The following ZNF362 variants were observed in gnomAD, a reference collection of about 807,000 sequenced individuals.
The protein encoded by ZNF362 is rotund homolog.
In ZNF362, 11 loss-of-function variants were observed where a neutral mutation model predicts 42.9. That is an observed-to-expected ratio of 0.26 (90% CI 0.16 to 0.42). The LOEUF is 0.42. ZNF362 is among the 20% of genes least tolerant of loss of function. The probability of loss-of-function intolerance (pLI) is 1.00; values close to 1 mark genes in which losing one functional copy is unlikely to be tolerated. For synonymous variants in ZNF362, 255 were observed against 257.3 expected (o/e 0.99, Z 0.09); for missense variants, 362 against 576.2 (o/e 0.63, Z 3.81).
At chr1:33,130,359 G>A in the ZNF362 span, among the ~76,000 whole-genome samples, 1 of 152,136 alleles carries the variant, frequency 6.6e-6, no homozygotes, top group Non-Finnish European at 1.5e-5. Context: ...TCTGAGATTC[G>A]ATTACAAAAA....
At chr1:33,288,388 T>TG (rs1334968532) in intron 6 of ZNF362, among the ~76,000 whole-genome samples, 1 of 151,892 alleles carries the variant, frequency 6.6e-6, no homozygotes, top group African/African-American at 2.4e-5. Flanking sequence ...GGGGGTGAAG[T>TG]GGGGTAGTCC....
the ZNF362 span, among the ~76,000 whole-genome samples, chr1:33,240,959 A>G: frequency 6.6e-6 from 1 of 152,198 alleles, no homozygotes; most frequent in Middle Eastern, 3.2e-3. Flanking sequence ...ACGCAAAATG[A>G]TTGCACCACA....
rs1418044495 is a variant in ZNF362 at position 33,280,322 on chromosome 1, G to A, written c.548G>A (p.Gly183Asp). The change falls in exon 5 of 9, where the codon GGC (glycine) becomes GAC (aspartate). Residue 183 changes from glycine (G) to aspartate (D), a missense_variant. Physicochemically the swap from Gly to Asp is moderately conservative, Grantham distance 94. Coordinates refer to ENST00000539719, the MANE Select transcript of ZNF362 (RefSeq NM_152493.3). The surrounding 1 kb of genome is among the most constrained non-coding windows in gnomAD (Gnocchi z 5.6). Reference protein sequence around the residue: ...LDSIKTIQGHGLLGPPKSERG... With the variant: ...LDSIKTIQGHDLLGPPKSERG... ...TCCATCAAGACAATCCAGGGCCACG[G>A]CCTGCTTGGCCCCCCCAAGTCCGAA... The A allele has an allele frequency of 6.2e-7, 1 of 1,613,914 alleles. No individual in the cohort carries two copies. The highest frequency in any genetic ancestry group is 8.5e-7 in the Non-Finnish European group (1 of 1,179,934).
upstream of ZNF362, among the ~76,000 whole-genome samples, chr1:33,255,717 G>A (rs1484998908): frequency 2.6e-5 from 4 of 152,192 alleles, no homozygotes; most frequent in East Asian, 7.7e-4. Flanking sequence ...CCTAGGGCTA[G>A]GGAGGGGTGG....
chr1:33,158,583 C>T, the ZNF362 span, among the ~76,000 whole-genome samples: 4 of 152,242 alleles, frequency 2.6e-5, no homozygotes, highest in Admixed American at 2.6e-4. Context: ...ATGCTAGCAT[C>T]AGCCTTCTAG....
rs1168464257 is a variant in ZNF362 at position 33,294,521 on chromosome 1, C to G, written c.909-416C>G. On this transcript the variant is annotated intron_variant, in intron 6 of 8. Transcript: ENST00000539719. This position sits in a 1 kb window ranked among gnomAD's most constrained non-coding sequence, Gnocchi z 4.2. The stretch of plus-strand genomic sequence containing the variant: ...TGGGGCCAATTAGAGGGAGATGTCT[C>G]CTTCTTCTTAGGGAAGGAGGCTGGG... Among the ~76,000 whole-genome samples, 1 of 152,138 alleles carries G rather than the reference C, an allele frequency of 6.6e-6. No individual in the cohort carries two copies. Among genetic ancestry groups the G allele is most frequent in the Non-Finnish European group, 1.5e-5 (1 of 68,020 alleles).
intron 6 of ZNF362, among the ~76,000 whole-genome samples, chr1:33,291,881 T>C (rs1185239072): frequency 1.3e-5 from 2 of 152,186 alleles, no homozygotes. Context: ...CTGTTATTGG[T>C]GTATAAGAAT....
chr1:33,215,704 T>C, the ZNF362 span, among the ~76,000 whole-genome samples: 8,404 of 152,228 alleles, frequency 0.055, 447 homozygotes, highest in African/African-American at 0.13. Context: ...TGTACCCTGG[T>C]AGTGTTGCAA....
chr1:33,277,530 A>T (rs1180873302), intron 4 of ZNF362, among the ~76,000 whole-genome samples: 2 of 152,188 alleles, frequency 1.3e-5, no homozygotes, highest in African/African-American at 4.8e-5. Flanking sequence ...GGGTTGAGAA[A>T]ACCGAGTCTG....
At chr1:33,224,983 A>G in the ZNF362 span, among the ~76,000 whole-genome samples, 1 of 152,248 alleles carries the variant, frequency 6.6e-6, no homozygotes, top group African/African-American at 2.4e-5. Flanking sequence ...CACAAGAGCC[A>G]GAAGACAACA....
chr1:33,212,172 C>T, the ZNF362 span, among the ~76,000 whole-genome samples: 3 of 152,176 alleles, frequency 2.0e-5, no homozygotes, highest in African/African-American at 7.2e-5. Context: ...TAAGACATGC[C>T]TGCTTCCCCT....
At chr1:33,238,572 A>G in the ZNF362 span, among the ~76,000 whole-genome samples, 1 of 151,968 alleles carries the variant, frequency 6.6e-6, no homozygotes, top group Non-Finnish European at 1.5e-5. Context: ...TGCAGCTAGA[A>G]AGGAAGGGTC....
intron 6 of ZNF362, among the ~76,000 whole-genome samples, chr1:33,285,767 A>G (rs1163872352): frequency 6.6e-6 from 1 of 152,344 alleles, no homozygotes; most frequent in East Asian, 1.9e-4. Context: ...AATTAAAACC[A>G]TGGAGAATAC....
the ZNF362 span, among the ~76,000 whole-genome samples, chr1:33,221,279 A>T: frequency 1.3e-5 from 2 of 152,192 alleles, no homozygotes; most frequent in Non-Finnish European, 2.9e-5. Flanking sequence ...ACCTGTCCTG[A>T]CTGTGGGTGG....
the ZNF362 span, among the ~76,000 whole-genome samples, chr1:33,202,594 TAA>T: frequency 2.2e-5 from 3 of 137,400 alleles, no homozygotes; most frequent in Non-Finnish European, 1.6e-5. Flanking sequence ...CGAGACTCCA[TAA>T]AAAAAAAAAA....
intron 1 of ZNF362, 31 bp from the exon 2 acceptor site, chr1:33,270,456 T>A: frequency 1.6e-6 from 1 of 643,844 alleles, no homozygotes; most frequent in Non-Finnish European, 2.9e-6. Context: ...TTATTATTGT[T>A]ATTATTGTTA....
the ZNF362 span, among the ~76,000 whole-genome samples, chr1:33,236,776 C>T: frequency 6.6e-6 from 1 of 151,434 alleles, no homozygotes; most frequent in Non-Finnish European, 1.5e-5. Context: ...ACTATGTAAA[C>T]ATATATCAAA....
intron 1 of ZNF362, among the ~76,000 whole-genome samples, chr1:33,260,622 A>G (rs1391688407): frequency 1.3e-5 from 2 of 152,180 alleles, no homozygotes; most frequent in South Asian, 2.1e-4. Context: ...TGTCTACACC[A>G]TTAGAACATG....
chr1:33,250,872 A>AAGG, the ZNF362 span, among the ~76,000 whole-genome samples: 2 of 151,600 alleles, frequency 1.3e-5, no homozygotes, highest in African/African-American at 4.8e-5. Context: ...GAAGAAGAAG[A>AAGG]AGAAGAAGAA....
Sources: gnomAD v4.1 joint callset for allele counts (sites outside exome capture counted in the v4.1 genomes callset) on GRCh38, gnomAD v4.1.1 for gene constraint, Gnocchi (gnomAD v3.1) non-coding constraint, MANE v1.5 for transcripts, NCBI Gene and HGNC (gene_info 2026-07-23, HGNC 2026-07-21) for gene names.